Variants in COLGALT1 observed in about 807,000 individuals in gnomAD.
The protein encoded by COLGALT1 is procollagen galactosyltransferase 1.
A neutral mutation model predicts 60.8 loss-of-function variants in COLGALT1; 43 were observed. The observed-to-expected ratio is 0.71, with a 90% confidence interval of 0.55 to 0.91. COLGALT1 has a LOEUF of 0.91. COLGALT1 is among the 40% of genes least tolerant of loss of function. The probability of loss-of-function intolerance (pLI) is 0.00; values close to 1 mark genes in which losing one functional copy is unlikely to be tolerated. For synonymous variants in COLGALT1, 369 were observed against 374.2 expected, an observed-to-expected ratio of 0.99 and a Z score of 0.16; for missense variants, 845 against 880.0, an observed-to-expected ratio of 0.96 and a Z score of 0.50.
chr19:17,563,117 C>T (rs904296792), intron 3 of COLGALT1, among the ~76,000 whole-genome samples: 7 of 151,372 alleles, frequency 4.6e-5, no homozygotes, highest in East Asian at 3.9e-4. Context: ...CTCAGCAAAC[C>T]GGGGTGGAAC....
At chr19:17,564,312 T>A (rs1480558734) in intron 3 of COLGALT1, among the ~76,000 whole-genome samples, 3 of 151,462 alleles carry the variant, frequency 2.0e-5, no homozygotes, top group Non-Finnish European at 2.9e-5. Context: ...TATACATATA[T>A]ACGTGTATAT....
chr19:17,568,772 A>C (rs771561744), intron 5 of COLGALT1, 59 bp downstream of exon 5: 2 of 1,561,422 alleles, frequency 1.3e-6, no homozygotes, highest in Non-Finnish European at 1.8e-6. Flanking sequence ...TGGGTTTTGC[A>C]CTAAGCCAGT....
rs534491656 is a variant in COLGALT1, at chr19:17,580,854, A to G, written c.1550A>G (p.Lys517Arg). 1.2e-5 allele frequency: 20 copies of G among 1,613,808 alleles called. No individual in the cohort carries two copies. In the Admixed American group the frequency reaches 2.2e-4, roughly 17 times the overall value. ...CTGCTGGCTGCTGAGCCGCTCTCCAAGATGCTGCCTGTGGACGAGTTCCTG... is the reference window on the plus strand; with the variant it reads ...CTGCTGGCTGCTGAGCCGCTCTCCAGGATGCTGCCTGTGGACGAGTTCCTG... ...RKLLAAEPLS[K>R]MLPVDEFLPV... Residue 517 changes from lysine to arginine, a missense_variant, in exon 11 of 12, where the codon AAG (lysine) becomes AGG (arginine). Physicochemically the swap from Lys to Arg is conservative, Grantham distance 26. Coordinates refer to ENST00000252599, the MANE Select transcript of COLGALT1 (RefSeq NM_024656.4).
chr19:17,577,312 G>T, intron 7 of COLGALT1, 41 bp downstream of exon 7: 1 of 1,610,494 alleles, frequency 6.2e-7, no homozygotes, highest in East Asian at 2.2e-5. Flanking sequence ...GGGGCTGGAG[G>T]GCCCTTGTTT....
At chr19:17,568,399 A>G in intron 4 of COLGALT1, 110 bp from the exon 5 acceptor site, 2 of 945,928 alleles carry the variant, frequency 2.1e-6, no homozygotes, top group Non-Finnish European at 3.4e-6. Context: ...ACAGGCGCAC[A>G]CTGCTGTGCC....
At chr19:17,565,310 C>A (rs911055491) in intron 3 of COLGALT1, among the ~76,000 whole-genome samples, 8 of 152,024 alleles carry the variant, frequency 5.3e-5, no homozygotes, top group African/African-American at 1.9e-4. Flanking sequence ...CATGTGTCAC[C>A]ATGCCCGGCT....
rs2144844272 is a variant in COLGALT1 at position 17,577,397 on chromosome 19, C to T, written c.1063C>T (p.Arg355Trp). 4 of 1,573,332 alleles carry T rather than the reference C, an allele frequency of 2.5e-6. No individual in the cohort carries two copies. Among genetic ancestry groups the T allele is most frequent in the Admixed American group, 1.9e-5 (1 of 53,892 alleles). ...MINLRRRQDR[R>W]ERMLRALQAQ... is the part of the protein sequence containing the mutation. ...CAACCTGAGGCGGCGGCAGGACCGG[C>T]GGGAGCGCATGCTGCGGGCGCTGCA... Residue 355 changes from arginine (R) to tryptophan (W), a missense_variant, in exon 8 of 12, where the codon CGG (arginine) becomes TGG (tryptophan). Coordinates refer to ENST00000252599, the MANE Select transcript of COLGALT1 (RefSeq NM_024656.4).
At chr19:17,570,656 C>G (rs925426584) in intron 5 of COLGALT1, among the ~76,000 whole-genome samples, 5 of 152,126 alleles carry the variant, frequency 3.3e-5, no homozygotes, top group Non-Finnish European at 5.9e-5. Context: ...ACCTCCACCT[C>G]CCAGGTTCAA....
intron 5 of COLGALT1, among the ~76,000 whole-genome samples, 184 bp from the exon 6 acceptor site, chr19:17,572,299 G>C (rs1458902903): frequency 7.5e-6 from 1 of 132,662 alleles, no homozygotes; most frequent in Non-Finnish European, 1.8e-5. Context: ...GTGAGACTCT[G>C]TCTTAAAAAA....
At chr19:17,570,875 T>C (rs1317405918) in intron 5 of COLGALT1, among the ~76,000 whole-genome samples, 1 of 152,094 alleles carries the variant, frequency 6.6e-6, no homozygotes, top group African/African-American at 2.4e-5. Context: ...AATTTTTACA[T>C]TTTTAAATCA....
Position 17,580,807 on chromosome 19 carries a change from C to G in COLGALT1, c.1503C>G (p.Ile501Met). ...DYSYWTLAYV[I>M]SLQGARKLLA... ...CCTACTGGACCCTGGCCTACGTGAT[C>G]TCCCTGCAAGGCGCCCGCAAACTGC... The change falls in exon 11 of 12, where the codon ATC becomes ATG. Residue 501 changes from isoleucine to methionine, a missense_variant. Transcript: ENST00000252599. 1.2e-6 allele frequency: 2 copies of G among 1,614,096 alleles called. No homozygotes were observed. The highest frequency in any genetic ancestry group is 2.2e-5 in the South Asian group (2 of 91,072).
In COLGALT1 at chr19:17,559,388, A is replaced by G. The variant is rs2076235028; in HGVS notation, c.338A>G (p.His113Arg). Residue 113 changes from histidine (H) to arginine (R), a missense_variant, in exon 2 of 12, where the codon CAT becomes CGT. Transcript: ENST00000252599. The stretch of plus-strand genomic sequence containing the variant: ...CTGGTGGCCGTGAAGAGTTTGTACC[A>G]TTCCGTGGAGTGGCGGCCAGCAGAG... ...EWLVAVKSLYHSVEWRPAEEP... is the reference protein window; with the variant it reads ...EWLVAVKSLYRSVEWRPAEEP... 2 of 1,552,116 alleles carry G rather than the reference A, an allele frequency of 1.3e-6. No homozygotes were observed. Among genetic ancestry groups the G allele is most frequent in the Non-Finnish European group, 1.7e-6 (2 of 1,147,280 alleles).
chr19:17,572,032 C>A, intron 5 of COLGALT1: 1 of 154,698 alleles, frequency 6.5e-6, no homozygotes, highest in East Asian at 1.9e-4. Context: ...ATTTGTAGAG[C>A]CGGGCGTGGT....
chr19:17,555,707 T>G lies in COLGALT1; in HGVS notation c.-7T>G. 3 of 1,185,904 alleles carry G rather than the reference T, an allele frequency of 2.5e-6. No individual in the cohort carries two copies. The highest frequency in any genetic ancestry group is 3.1e-6 in the Non-Finnish European group (3 of 959,308). 73.5% of individuals were successfully genotyped at this position (1,185,904 alleles called of 1,614,324 possible). ...AGAAAAACGACTTAAAGGAGACGCG[T>G]GGCGCGATGGCGGCGGCCCCACGCG... On this transcript the variant is annotated 5_prime_UTR_variant, in exon 1 of 12. Coordinates refer to ENST00000252599, the MANE Select transcript of COLGALT1 (RefSeq NM_024656.4).
chr19:17,579,592 C>A lies in COLGALT1; in HGVS notation c.1377C>A (p.Gly459=), dbSNP rs1286047113. The change falls in exon 10 of 12, where the codon GGC becomes GGA. Residue 459 remains glycine, a synonymous_variant. Coordinates refer to ENST00000252599, the MANE Select transcript of COLGALT1 (RefSeq NM_024656.4). ...MNLMRDVERE[G]LDWDLIYVGR... ...TCATGCGGGATGTGGAGCGGGAGGG[C>A]CTGGACTGGGACCTCATGTGAGTGG... The A allele has an allele frequency of 6.2e-7, 1 of 1,607,728 alleles. No homozygotes were observed. Among genetic ancestry groups the A allele is most frequent in the East Asian group, 2.2e-5 (1 of 44,482 alleles).
At chr19:17,569,183 G>C (rs988348178) in intron 5 of COLGALT1, among the ~76,000 whole-genome samples, 2 of 152,086 alleles carry the variant, frequency 1.3e-5, no homozygotes, top group African/African-American at 4.8e-5. Context: ...CTGCACTCCA[G>C]CCTGGGCAAC....
At chr19:17,574,887 C>G (rs972824155) in intron 6 of COLGALT1, among the ~76,000 whole-genome samples, 2 of 152,116 alleles carry the variant, frequency 1.3e-5, no homozygotes, top group Non-Finnish European at 2.9e-5. Context: ...GAGACAGAGT[C>G]TCGCTGTTAC....
intron 10 of COLGALT1, chr19:17,580,370 C>T (rs930957440): frequency 2.3e-6 from 1 of 430,310 alleles, no homozygotes; most frequent in Non-Finnish European, 4.3e-6. Context: ...CCTGACTGCC[C>T]CCCCATCAGG....
chr19:17,570,547 A>G (rs2076306696), intron 5 of COLGALT1, among the ~76,000 whole-genome samples: 1 of 151,974 alleles, frequency 6.6e-6, no homozygotes, highest in Admixed American at 6.6e-5. Flanking sequence ...GTGCCTGGCC[A>G]ACAATTTTTA....
Sources: allele counts gnomAD v4.1 joint callset (sites outside exome capture counted in the v4.1 genomes callset), GRCh38; gene constraint gnomAD v4.1.1; transcripts MANE v1.5; gene names NCBI Gene and HGNC (gene_info 2026-07-23, HGNC 2026-07-21).